The following NME7 variants were observed in gnomAD, a reference collection of about 807,000 sequenced individuals.
NME7 encodes NME/NM23 family member 7.
In NME7, 41 loss-of-function variants were observed where a neutral mutation model predicts 49.1. The ratio of observed to expected loss-of-function variants is 0.83; its 90% confidence interval spans 0.65 to 1.08. NME7 has a LOEUF of 1.08. Among genes scored for constraint, NME7 ranks in the 50% least tolerant of loss-of-function variants. NME7 has a pLI of 0.00. For synonymous variants in NME7, 139 were observed against 150.6 expected, an observed-to-expected ratio of 0.92 and a Z score of 0.56; for missense variants, 423 against 463.4, an observed-to-expected ratio of 0.91 and a Z score of 0.80.
intron 10 of NME7, among the ~76,000 whole-genome samples, chr1:169,219,132 T>C (rs1338101711): frequency 6.6e-6 from 1 of 152,210 alleles, no homozygotes; most frequent in Non-Finnish European, 1.5e-5. Context: ...AAGCCTTTTC[T>C]GAATAGCCTA....
intron 10 of NME7, among the ~76,000 whole-genome samples, chr1:169,219,737 C>T (rs1369540192): frequency 6.6e-6 from 1 of 152,122 alleles, no homozygotes; most frequent in African/African-American, 2.4e-5. Flanking sequence ...CTGATTCTCC[C>T]AGTATACTGA....
intron 1 of NME7, among the ~76,000 whole-genome samples, chr1:169,350,611 T>C (rs1396657302): frequency 1.3e-5 from 2 of 151,696 alleles, no homozygotes; most frequent in Non-Finnish European, 1.5e-5. Flanking sequence ...TCTCTCCCTC[T>C]CTCTAGCTTC....
At chr1:169,210,991 CTT>C (rs3835446) in intron 10 of NME7, among the ~76,000 whole-genome samples, 2 of 149,106 alleles carry the variant, frequency 1.3e-5, no homozygotes. Context: ...ATCATAAGCT[CTT>C]TTTTTTTTTA....
chr1:169,350,289 A>AAGGAAGGAAG (rs1343344770), intron 1 of NME7, among the ~76,000 whole-genome samples: 1 of 20,634 alleles, frequency 4.8e-5, no homozygotes, highest in Non-Finnish European at 1.1e-4. Context: ...AAGGAAGGAA[A>AAGGAAGGAAG]GAGCCCTGCT....
intron 11 of NME7, among the ~76,000 whole-genome samples, chr1:169,164,759 T>G (rs912433298): frequency 1.3e-5 from 2 of 152,194 alleles, no homozygotes; most frequent in Non-Finnish European, 2.9e-5. Flanking sequence ...GCAGATAACT[T>G]TCCATTTTGT....
At chr1:169,158,503 G>C (rs996997897) in intron 11 of NME7, among the ~76,000 whole-genome samples, 2 of 152,066 alleles carry the variant, frequency 1.3e-5, no homozygotes, top group Non-Finnish European at 2.9e-5. Context: ...TGAAGCTGTG[G>C]AAAGTGAAAC....
At chr1:169,358,674 T>C (rs549926787) in intron 1 of NME7, among the ~76,000 whole-genome samples, 4 of 152,228 alleles carry the variant, frequency 2.6e-5, no homozygotes, top group South Asian at 2.1e-4. Context: ...CATACAGTAA[T>C]TTATATTTCT....
At chr1:169,168,951 G>T in intron 11 of NME7, 1 of 449,314 alleles carries the variant, frequency 2.2e-6, no homozygotes, top group South Asian at 1.6e-5. Flanking sequence ...TTCAAACATT[G>T]TTCAAGGGTC....
rs189163936 is a variant in NME7 at position 169,262,363 on chromosome 1, A to G, written c.755-24676T>C. Among the ~76,000 whole-genome samples the G allele has an allele frequency of 8.2e-5, 11 of 134,524 alleles. 2 individuals are homozygous for G. The highest frequency in any genetic ancestry group is 4.4e-4 in the Admixed American group (6 of 13,774). The allele number at this position is 134,524 out of a possible 152,430, so 88.3% of individuals were successfully genotyped here. A position where few individuals can be genotyped will look rare whatever the true frequency, so the allele number is the denominator to read the frequency against. On this transcript the variant is annotated intron_variant, in intron 7 of 11. Coordinates refer to ENST00000367811, the MANE Select transcript of NME7 (RefSeq NM_013330.5). ...ATTGATAACCCACAGAATTGTGAAAAATAATACATCATTTTTCCCTTTTTC... is the reference window on the plus strand; with the variant it reads ...ATTGATAACCCACAGAATTGTGAAAGATAATACATCATTTTTCCCTTTTTC...
In NME7 at chr1:169,342,952, A is replaced by G. The variant is rs1253730321; in HGVS notation, c.4-18452T>C. 6.8e-5 allele frequency among the ~76,000 whole-genome samples: 3 copies of G among 43,946 alleles called. 1 individual carries two copies. The highest frequency in any genetic ancestry group is 1.6e-4 in the Non-Finnish European group (3 of 18,834). The allele number at this position is 43,946 out of a possible 152,430, so 28.8% of individuals were successfully genotyped here. ...ACAAGTACATATATATACTTGTATT[A>G]GTATATATATATATATATACAAGTA... On this transcript the variant is annotated intron_variant, in intron 1 of 11. Coordinates refer to ENST00000367811, the MANE Select transcript of NME7 (RefSeq NM_013330.5).
chr1:169,337,168 G>A (rs942237423), intron 1 of NME7, among the ~76,000 whole-genome samples: 5 of 152,208 alleles, frequency 3.3e-5, no homozygotes, highest in African/African-American at 4.8e-5. Context: ...AGGAACCCAC[G>A]GAGTGGGTGG....
At chr1:169,170,154 A>G (rs1252586691) in intron 10 of NME7, among the ~76,000 whole-genome samples, 1 of 152,238 alleles carries the variant, frequency 6.6e-6, no homozygotes, top group East Asian at 1.9e-4. Context: ...AGAGAGCTGG[A>G]AAGTTAAAAG....
chr1:169,242,498 T>A (rs1323338014), intron 7 of NME7, among the ~76,000 whole-genome samples: 2 of 152,008 alleles, frequency 1.3e-5, no homozygotes, highest in Non-Finnish European at 2.9e-5. Flanking sequence ...ATGCTTTCCA[T>A]GCAAGACAGT....
At chr1:169,307,962 G>A (rs1380341868) in intron 4 of NME7, among the ~76,000 whole-genome samples, 1 of 150,732 alleles carries the variant, frequency 6.6e-6, no homozygotes, top group African/African-American at 2.4e-5. Context: ...GGAGGTTGCA[G>A]TGAGCCGAAA....
chr1:169,280,897 C>T lies in NME7; in HGVS notation c.754+6406G>A, dbSNP rs540241343. ...TAGAAGTCAGGTAGCATAATGCCTC[C>T]AGCTTTGTTCTTCATGCCCAAGATT... is the stretch of plus-strand genomic sequence containing the variant. On this transcript the variant is annotated intron_variant, in intron 7 of 11. Coordinates refer to ENST00000367811, the MANE Select transcript of NME7 (RefSeq NM_013330.5). Among the ~76,000 whole-genome samples, 111 of 151,888 alleles carry T rather than the reference C, an allele frequency of 7.3e-4. 1 individual carries two copies. The highest frequency in any genetic ancestry group is 2.6e-3 in the African/African-American group (108 of 41,420).
intron 7 of NME7, among the ~76,000 whole-genome samples, chr1:169,259,785 G>C (rs1005736512): frequency 7.5e-6 from 1 of 133,856 alleles, no homozygotes; most frequent in African/African-American, 2.5e-5. Flanking sequence ...AAGATTTTCT[G>C]ACCTCAAATT....
chr1:169,278,621 C>T (rs1212462524), intron 7 of NME7, among the ~76,000 whole-genome samples: 2 of 152,104 alleles, frequency 1.3e-5, no homozygotes, highest in African/African-American at 4.8e-5. Context: ...CCTTCTTTGC[C>T]TTTGATTTGA....
chr1:169,151,563 G>A (rs1465911846), intron 11 of NME7, among the ~76,000 whole-genome samples: 1 of 152,098 alleles, frequency 6.6e-6, no homozygotes, highest in Non-Finnish European at 1.5e-5. Context: ...TGGAAGAGAT[G>A]ACCTCCGCTA....
Position 169,366,570 on chromosome 1 carries a change from G to T in NME7, c.3+1138C>A, listed in dbSNP as rs924391580. 5.3e-5 allele frequency among the ~76,000 whole-genome samples: 8 copies of T among 152,326 alleles called. No homozygotes were observed. In the East Asian group the frequency reaches 7.7e-4, roughly 15 times the overall value. The stretch of plus-strand genomic sequence containing the variant: ...AGAAAAAAACAACTGGAAGCGAAAT[G>T]TAACAGATGGAAGCAAATGAGATCA... On this transcript the variant is annotated intron_variant, in intron 1 of 11. Coordinates refer to ENST00000367811, the MANE Select transcript of NME7 (RefSeq NM_013330.5).
Sources: allele counts gnomAD v4.1 joint callset (sites outside exome capture counted in the v4.1 genomes callset), GRCh38; gene constraint gnomAD v4.1.1; transcripts MANE v1.5; gene names NCBI Gene and HGNC (gene_info 2026-07-23, HGNC 2026-07-21).